The following MAGI2 variants were observed in gnomAD, a reference collection of about 807,000 sequenced individuals.
The protein encoded by MAGI2 is membrane-associated guanylate kinase, WW and PDZ domain-containing protein 2.
In MAGI2, 35 loss-of-function variants were observed where a neutral mutation model predicts 133.3. That is an observed-to-expected ratio of 0.26 (90% CI 0.20 to 0.35). The LOEUF is 0.35. Among genes scored for constraint, MAGI2 ranks in the 10% least tolerant of loss-of-function variants. The probability of loss-of-function intolerance (pLI) is 1.00; values close to 1 mark genes in which losing one functional copy is unlikely to be tolerated. For synonymous variants in MAGI2, 729 were observed against 710.6 expected, an observed-to-expected ratio of 1.03 and a Z score of -0.41; for missense variants, 1,636 against 1,863.4, an observed-to-expected ratio of 0.88 and a Z score of 2.25.
At chr7:79,011,562 G>A (rs1456151943) in intron 1 of MAGI2, among the ~76,000 whole-genome samples, 3 of 152,134 alleles carry the variant, frequency 2.0e-5, no homozygotes, top group East Asian at 1.9e-4. Context: ...GAATGAAAGC[G>A]TACCTTATAA....
chr7:78,374,775 A>T (rs1794277489), intron 6 of MAGI2, among the ~76,000 whole-genome samples: 1 of 152,114 alleles, frequency 6.6e-6, no homozygotes, highest in Non-Finnish European at 1.5e-5. Context: ...ATTCATTTTG[A>T]TAGAACTGAA....
intron 6 of MAGI2, among the ~76,000 whole-genome samples, chr7:78,402,220 C>T (rs1448206896): frequency 6.7e-6 from 1 of 149,218 alleles, no homozygotes; most frequent in African/African-American, 2.5e-5. Flanking sequence ...TGTGTATCCA[C>T]CTGAGGTGTG....
intron 1 of MAGI2, among the ~76,000 whole-genome samples, chr7:79,254,484 T>G (rs1453901803): frequency 6.6e-6 from 1 of 152,228 alleles, no homozygotes; most frequent in African/African-American, 2.4e-5. Flanking sequence ...TTTCTCTATC[T>G]TCTCTTCTCT....
chr7:78,749,072 A>G (rs1298328420), intron 2 of MAGI2, among the ~76,000 whole-genome samples: 1 of 152,238 alleles, frequency 6.6e-6, no homozygotes. Flanking sequence ...AAATAGCCAA[A>G]TACAAGCAAG....
chr7:79,040,486 A>G (rs36028503), intron 1 of MAGI2, among the ~76,000 whole-genome samples: 43,515 of 151,916 alleles, frequency 0.29, 6,376 homozygotes, highest in Middle Eastern at 0.38. Flanking sequence ...GAGAGGATGA[A>G]GAGTCAGTTA....
intron 2 of MAGI2, among the ~76,000 whole-genome samples, chr7:78,636,454 C>G (rs558482874): frequency 2.8e-5 from 4 of 145,136 alleles, no homozygotes; most frequent in Admixed American, 2.1e-4. Context: ...TAAATTTTAA[C>G]AGTTTGGATT....
At chr7:79,250,331 A>C (rs1833147387) in intron 1 of MAGI2, among the ~76,000 whole-genome samples, 1 of 147,410 alleles carries the variant, frequency 6.8e-6, no homozygotes, top group Non-Finnish European at 1.5e-5. Context: ...AGATTTGGAA[A>C]AAGCTAATGA....
intron 2 of MAGI2, among the ~76,000 whole-genome samples, chr7:78,735,450 T>C (rs1821758118): frequency 6.6e-6 from 1 of 152,222 alleles, no homozygotes; most frequent in African/African-American, 2.4e-5. Context: ...AAATATTTCA[T>C]GCAATACTTT....
chr7:79,328,645 T>C (rs1015915811), intron 1 of MAGI2, among the ~76,000 whole-genome samples: 1 of 152,164 alleles, frequency 6.6e-6, no homozygotes, highest in Non-Finnish European at 1.5e-5. Context: ...TAATAAGTGC[T>C]CAATAAATAT....
At chr7:78,890,305 T>A (rs984913265) in intron 2 of MAGI2, among the ~76,000 whole-genome samples, 1 of 151,954 alleles carries the variant, frequency 6.6e-6, no homozygotes, top group Non-Finnish European at 1.5e-5. Context: ...ACTGTCAACA[T>A]TGGACAGATC....
At chr7:78,104,994 TCCCA>T (rs1818543324) in intron 20 of MAGI2, among the ~76,000 whole-genome samples, 1 of 144,528 alleles carries the variant, frequency 6.9e-6, no homozygotes, top group Non-Finnish European at 1.5e-5. Context: ...CCACCTCATC[TCCCA>T]GAAGTTACTC....
At chr7:78,342,178 T>C (rs773385012) in intron 9 of MAGI2, among the ~76,000 whole-genome samples, 10 of 151,402 alleles carry the variant, frequency 6.6e-5, no homozygotes, top group Non-Finnish European at 1.5e-4. Flanking sequence ...AAAGAAGACA[T>C]TTGTGCAGTC....
At chr7:79,391,010 A>G (rs1227374141) in intron 1 of MAGI2, among the ~76,000 whole-genome samples, 1 of 152,162 alleles carries the variant, frequency 6.6e-6, no homozygotes, top group Non-Finnish European at 1.5e-5. Context: ...GAGTGAGGAA[A>G]GCGTGGAACT....
chr7:78,353,402 G>C (rs1035579448), intron 7 of MAGI2, among the ~76,000 whole-genome samples: 6 of 152,210 alleles, frequency 3.9e-5, no homozygotes, highest in South Asian at 2.1e-4. Context: ...ATGCTCCAGT[G>C]GGGGAGACAC....
intron 6 of MAGI2, among the ~76,000 whole-genome samples, chr7:78,409,925 T>G (rs1797716543): frequency 6.6e-6 from 1 of 152,100 alleles, no homozygotes; most frequent in African/African-American, 2.4e-5. Flanking sequence ...AAATGTTAAC[T>G]AGTTTGCTAT....
At chr7:78,378,900 G>A (rs1348014775) in intron 6 of MAGI2, among the ~76,000 whole-genome samples, 1 of 151,998 alleles carries the variant, frequency 6.6e-6, no homozygotes, top group African/African-American at 2.4e-5. Flanking sequence ...AAAGAGAGGA[G>A]AGGGAAAAAA....
chr7:79,140,324 CTATT>C (rs1192378704), intron 1 of MAGI2, among the ~76,000 whole-genome samples: 1 of 152,146 alleles, frequency 6.6e-6, no homozygotes, highest in Non-Finnish European at 1.5e-5. Flanking sequence ...CTCTGCATAT[CTATT>C]TATCAATTAT....
chr7:79,205,093 G>A (rs1828929411), intron 1 of MAGI2, among the ~76,000 whole-genome samples: 1 of 151,636 alleles, frequency 6.6e-6, no homozygotes, highest in Admixed American at 6.6e-5. Flanking sequence ...TCCCAAACAT[G>A]GAGAAAGACG....
chr7:78,362,909 T>C (rs1282543178), intron 7 of MAGI2, among the ~76,000 whole-genome samples: 5 of 152,338 alleles, frequency 3.3e-5, no homozygotes, highest in South Asian at 2.1e-4. Flanking sequence ...TTATCAGTCA[T>C]ATTCCCTTAG....
Sources: allele counts gnomAD v4.1 joint callset (sites outside exome capture counted in the v4.1 genomes callset), GRCh38; gene constraint gnomAD v4.1.1; transcripts MANE v1.5; gene names NCBI Gene and HGNC (gene_info 2026-07-23, HGNC 2026-07-21).